The following SHROOM3 variants were observed in gnomAD, a reference collection of about 807,000 sequenced individuals.
SHROOM3 encodes shroom family member 3.
In SHROOM3, 47 loss-of-function variants were observed where a neutral mutation model predicts 138.6. The observed-to-expected ratio is 0.34, with a 90% confidence interval of 0.27 to 0.43. SHROOM3 has a LOEUF of 0.43. SHROOM3 is among the 20% of genes least tolerant of loss of function. The pLI is 1.00. For missense variants in SHROOM3, 2,491 were observed against 2,596.5 expected (o/e 0.96, Z 0.88); for synonymous variants, 1,062 against 1,063.3 (o/e 1.00, Z 0.02).
intron 1 of SHROOM3, among the ~76,000 whole-genome samples, chr4:76,540,739 T>C (rs1553921582): frequency 6.6e-6 from 1 of 152,220 alleles, no homozygotes; most frequent in Non-Finnish European, 1.5e-5. Context: ...TTCTTCTTGC[T>C]GGCACTGATT....
chr4:76,648,772 G>T lies in SHROOM3; in HGVS notation c.324-61384G>T, dbSNP rs73826408. On this transcript the variant is annotated intron_variant, in intron 2 of 10. Coordinates refer to ENST00000296043, the MANE Select transcript of SHROOM3 (RefSeq NM_020859.4). ...TTGATTATAACTTTAGACTTAACTG[G>T]AGAAGTTATTGCTAGAATATACAAG... 9.3e-3 allele frequency among the ~76,000 whole-genome samples: 1,413 copies of T among 152,282 alleles called. 20 individuals carry two copies. Among genetic ancestry groups the T allele is most frequent in the African/African-American group, 0.033 (1,353 of 41,556 alleles).
chr4:76,700,923 T>G (rs1476011204), intron 2 of SHROOM3, among the ~76,000 whole-genome samples: 1 of 152,068 alleles, frequency 6.6e-6, no homozygotes, highest in Admixed American at 6.6e-5. Flanking sequence ...TAGCTGGGAT[T>G]ACAGGTGTGA....
intron 2 of SHROOM3, among the ~76,000 whole-genome samples, chr4:76,678,260 A>T (rs1719096681): frequency 6.6e-6 from 1 of 151,996 alleles, no homozygotes; most frequent in Admixed American, 6.6e-5. Flanking sequence ...ACAAGTAAAG[A>T]TAAGGGTTTT....
At position 76,759,520 on chromosome 4, in the gene SHROOM3, A is replaced by G; in HGVS notation, c.5199-25A>G. The G allele has an allele frequency of 3.1e-6, 5 of 1,613,796 alleles. No individual in the cohort carries two copies. In the South Asian group the frequency reaches 4.4e-5, roughly 14 times the overall value. On this transcript the variant is annotated intron_variant, in intron 8 of 10. Coordinates refer to ENST00000296043, the MANE Select transcript of SHROOM3 (RefSeq NM_020859.4). Reference sequence around the variant, plus strand: ...AGCCTCTGGCGTGATCTGTGTGGCTATACTTTGTGCTCTTTTTGGCCCAGG... The same window carrying G: ...AGCCTCTGGCGTGATCTGTGTGGCTGTACTTTGTGCTCTTTTTGGCCCAGG...
chr4:76,625,657 G>T (rs1018487962), intron 2 of SHROOM3, among the ~76,000 whole-genome samples: 1 of 151,894 alleles, frequency 6.6e-6, no homozygotes, highest in Non-Finnish European at 1.5e-5. Flanking sequence ...CACTCCAATC[G>T]CCGAGAACCA....
At chr4:76,603,758 G>C (rs188212854) in intron 2 of SHROOM3, among the ~76,000 whole-genome samples, 98 of 151,268 alleles carry the variant, frequency 6.5e-4, no homozygotes, top group African/African-American at 2.3e-3. Context: ...AAAGGTCCTG[G>C]TGTGTGATGT....
chr4:76,465,480 T>C (rs1466799742), intron 1 of SHROOM3, among the ~76,000 whole-genome samples: 1 of 152,180 alleles, frequency 6.6e-6, no homozygotes, highest in Middle Eastern at 3.2e-3. Context: ...CTCCAGGACT[T>C]CCCATCAGCC....
At chr4:76,641,982 G>A (rs1735684054) in intron 2 of SHROOM3, among the ~76,000 whole-genome samples, 1 of 152,146 alleles carries the variant, frequency 6.6e-6, no homozygotes, top group African/African-American at 2.4e-5. Flanking sequence ...AAATATTTCA[G>A]ATCCAGCTCC....
In SHROOM3 at chr4:76,740,468, C is replaced by T. The variant is rs61739914; in HGVS notation, c.2295C>T (p.Ser765=). The part of the protein sequence containing the change: ...SLGRRGPGPG[S]ASALQGFQYG... ...GCCGGAGGGGGCCCGGCCCAGGCAG[C>T]GCCTCGGCTCTTCAGGGCTTTCAGT... Residue 765 remains serine, a synonymous_variant, in exon 5 of 11, where the codon AGC becomes AGT. Coordinates refer to ENST00000296043, the MANE Select transcript of SHROOM3 (RefSeq NM_020859.4). This position sits in a 1 kb window ranked among gnomAD's most constrained non-coding sequence, Gnocchi z 4.0. The T allele has an allele frequency of 2.6e-3, 4,223 of 1,611,682 alleles. 100 individuals are homozygous for T. The African/African-American group carries it at 0.05, about 19-fold the overall frequency.
At chr4:76,477,288 G>C (rs545083448) in intron 1 of SHROOM3, among the ~76,000 whole-genome samples, 1 of 152,226 alleles carries the variant, frequency 6.6e-6, no homozygotes, top group South Asian at 2.1e-4. Flanking sequence ...TAGTTCTTAT[G>C]GCTGAAATAA....
At position 76,741,836 on chromosome 4, in the gene SHROOM3, G is replaced by T; in HGVS notation, c.3663G>T (p.Ser1221=). ...GGGCCAGGGCCGGGAAGTCCATGTC[G>T]GCCGAGGACCTGCTGGAACGCTCGG... ...SWGARAGKSM[S]AEDLLERSDV... Residue 1221 remains serine (S), a synonymous_variant, in exon 5 of 11, where the codon TCG becomes TCT. Transcript: ENST00000296043. The surrounding 1 kb of genome is among the most constrained non-coding windows in gnomAD (Gnocchi z 6.2). 6.2e-7 allele frequency: 1 copy of T among 1,600,354 alleles called. No individual in the cohort carries two copies. The highest frequency in any genetic ancestry group is 8.5e-7 in the Non-Finnish European group (1 of 1,174,340).
At chr4:76,577,282 T>C (rs1733958010) in intron 2 of SHROOM3, among the ~76,000 whole-genome samples, 1 of 152,226 alleles carries the variant, frequency 6.6e-6, no homozygotes, top group Admixed American at 6.5e-5. Context: ...ATTAAAAATA[T>C]GGGCAAATCA....
At chr4:76,689,036 A>T in intron 2 of SHROOM3, 1 of 720,870 alleles carries the variant, frequency 1.4e-6, no homozygotes, top group Non-Finnish European at 1.7e-6. Context: ...TACTAACTGT[A>T]TAGCCTCTGA....
chr4:76,596,581 AACAC>A (rs58214296), intron 2 of SHROOM3, among the ~76,000 whole-genome samples: 16,335 of 138,016 alleles, frequency 0.12, 871 homozygotes, highest in African/African-American at 0.14. Context: ...GGTACAGAGA[AACAC>A]ACACACACAC....
chr4:76,689,891 T>A (rs998122749), intron 2 of SHROOM3, among the ~76,000 whole-genome samples: 15 of 152,246 alleles, frequency 9.9e-5, no homozygotes, highest in Admixed American at 5.9e-4. Flanking sequence ...CTCCTGACAC[T>A]CCTAGGCCTT....
intron 2 of SHROOM3, among the ~76,000 whole-genome samples, chr4:76,580,626 A>G (rs1301266056): frequency 6.6e-6 from 1 of 152,000 alleles, no homozygotes; most frequent in African/African-American, 2.4e-5. Context: ...GGGTTTCTCC[A>G]TGTTGGTCAG....
At chr4:76,774,570 T>G (rs1722480204) in intron 10 of SHROOM3, among the ~76,000 whole-genome samples, 1 of 152,096 alleles carries the variant, frequency 6.6e-6, no homozygotes, top group Non-Finnish European at 1.5e-5. Flanking sequence ...GAGTGATTCT[T>G]TATACATTAC....
rs770146410 is a variant in SHROOM3, at chr4:76,778,795, A to G, written c.5623-14A>G. Reference sequence around the variant, plus strand: ...TCCCTGGCCTTCATTGATCTGTCCAATTTTCCCTGGCAGAGCTCTCTTTAC... The same window carrying G: ...TCCCTGGCCTTCATTGATCTGTCCAGTTTTCCCTGGCAGAGCTCTCTTTAC... On this transcript the variant is annotated splice_polypyrimidine_tract_variant and intron_variant, in intron 10 of 10. Transcript: ENST00000296043. 98 of 1,611,764 alleles carry G rather than the reference A, an allele frequency of 6.1e-5. 1 individual carries two copies. The South Asian group carries it at 8.1e-4, about 13-fold the overall frequency.
At chr4:76,644,727 T>C (rs1398211604) in intron 2 of SHROOM3, among the ~76,000 whole-genome samples, 2 of 152,222 alleles carry the variant, frequency 1.3e-5, no homozygotes, top group African/African-American at 2.4e-5. Flanking sequence ...AAAAGTTATA[T>C]AGGATTCACT....
Sources: gnomAD v4.1 joint callset for allele counts (sites outside exome capture counted in the v4.1 genomes callset) on GRCh38, gnomAD v4.1.1 for gene constraint, Gnocchi (gnomAD v3.1) non-coding constraint, MANE v1.5 for transcripts, NCBI Gene and HGNC (gene_info 2026-07-23, HGNC 2026-07-21) for gene names.